NSD3: variants seen among roughly 807,000 people sequenced by gnomAD.
NSD3 encodes histone-lysine N-methyltransferase NSD3.
In NSD3, 24 loss-of-function variants were observed where a neutral mutation model predicts 160.8. That is an observed-to-expected ratio of 0.15 (90% CI 0.11 to 0.21). NSD3 has a LOEUF of 0.21. Among genes scored for constraint, NSD3 ranks in the 10% least tolerant of loss-of-function variants. The pLI is 1.00. For synonymous variants in NSD3, 520 were observed against 600.0 expected, an observed-to-expected ratio of 0.87 and a Z score of 1.95; for missense variants, 1,157 against 1,735.9, an observed-to-expected ratio of 0.67 and a Z score of 5.93.
At chr8:38,375,457 T>C (rs1357783351) in intron 1 of NSD3, among the ~76,000 whole-genome samples, 2 of 152,190 alleles carry the variant, frequency 1.3e-5, no homozygotes, top group Non-Finnish European at 2.9e-5. Context: ...GTCCACAAAA[T>C]TTAAAATATA....
In NSD3 at chr8:38,382,038, GA is replaced by G. The variant is rs1452943137; in HGVS notation, c.-285del. 3 of 152,728 alleles carry G rather than the reference GA, an allele frequency of 2.0e-5. No individual in the cohort carries two copies. The highest frequency in any genetic ancestry group is 2.9e-5 in the Non-Finnish European group (2 of 68,120). 9.5% of individuals were successfully genotyped at this position (152,728 alleles called of 1,614,324 possible). A position where few individuals can be genotyped will look rare whatever the true frequency, so the allele number is the denominator to read the frequency against. The stretch of plus-strand genomic sequence containing the variant: ...CGGGCCGGGCGTGCTGCGGGAAGAG[GA>G]AGGCTCGGGAGGTGGGATGGGAAGG... On this transcript the variant is annotated 5_prime_UTR_variant, in exon 1 of 24. Coordinates refer to ENST00000317025, the MANE Select transcript of NSD3 (RefSeq NM_023034.2). The surrounding 1 kb of genome is among the most constrained non-coding windows in gnomAD (Gnocchi z 4.2).
At chr8:38,297,496 T>C (rs182611144) in intron 15 of NSD3, among the ~76,000 whole-genome samples, 1 of 152,212 alleles carries the variant, frequency 6.6e-6, no homozygotes, top group Non-Finnish European at 1.5e-5. Context: ...GTAAGAGCCC[T>C]CTATGCAACT....
intron 1 of NSD3, among the ~76,000 whole-genome samples, chr8:38,359,660 A>T (rs1563367717): frequency 6.6e-6 from 1 of 152,244 alleles, no homozygotes. Flanking sequence ...CCCTCACTAC[A>T]GACAAAAGCA....
At chr8:38,283,266 T>G (rs956571885) in intron 19 of NSD3, among the ~76,000 whole-genome samples, 2 of 152,356 alleles carry the variant, frequency 1.3e-5, no homozygotes, top group African/African-American at 2.4e-5. Flanking sequence ...TCAAAAGCAC[T>G]GCTCATTCAA....
intron 1 of NSD3, among the ~76,000 whole-genome samples, chr8:38,371,517 A>G (rs1351972180): frequency 6.6e-6 from 1 of 152,204 alleles, no homozygotes; most frequent in African/African-American, 2.4e-5. Flanking sequence ...CACGTTCAAG[A>G]TTTAAAATCG....
chr8:38,272,397 C>T lies in NSD3; in HGVS notation c.*3244G>A, dbSNP rs2130974240. ...ACTCCTGTATCTCTCCCTGATTAGA[C>T]ATTAAAGAGGTGAATCACTGCCTCT... On this transcript the variant is annotated 3_prime_UTR_variant, in exon 24 of 24. Coordinates refer to ENST00000317025, the MANE Select transcript of NSD3 (RefSeq NM_023034.2). The T allele has an allele frequency of 6.6e-6, 1 of 152,308 alleles. No homozygotes were observed. The highest frequency in any genetic ancestry group is 3.4e-3 in the Middle Eastern group (1 of 294). The allele number at this position is 152,308 out of a possible 1,614,324, so 9.4% of individuals were successfully genotyped here. A position where few individuals can be genotyped will look rare whatever the true frequency, so the allele number is the denominator to read the frequency against.
At chr8:38,332,471 A>C (rs909374605) in intron 4 of NSD3, among the ~76,000 whole-genome samples, 5 of 152,176 alleles carry the variant, frequency 3.3e-5, no homozygotes, top group Non-Finnish European at 5.9e-5. Context: ...ATAACATTAG[A>C]TATAACCCAC....
chr8:38,347,448 A>G (rs774076657), intron 2 of NSD3, 49 bp downstream of exon 2: 43 of 1,523,884 alleles, frequency 2.8e-5, no homozygotes, highest in Non-Finnish European at 3.8e-5. Context: ...TTGAACTTCC[A>G]GTAAATGTGA....
Position 38,316,009 on chromosome 8 carries a change from A to T in NSD3, c.1889T>A (p.Leu630Gln). The T allele has an allele frequency of 6.2e-7, 1 of 1,613,096 alleles. No individual in the cohort carries two copies. The change falls in exon 10 of 24, where the codon CTA becomes CAA. Residue 630 changes from leucine to glutamine, a missense_variant. Leu to Gln is a moderately radical substitution (Grantham distance 113). Around this residue, in one of 10 missense-constraint regions of NSD3, gnomAD observed 3 missense variants for 21.9 expected, o/e 0.14. Transcript: ENST00000317025. This position sits in a 1 kb window ranked among gnomAD's most constrained non-coding sequence, Gnocchi z 4.5. ...ASEISDSCKPLKKRSRASTDV... is the reference protein window; with the variant it reads ...ASEISDSCKPQKKRSRASTDV... ...AGTTGAGGCGCGACTCCTTTTCTTT[A>T]GAGGTTTACAGGAATCTGAAATCTC...
Position 38,271,359 on chromosome 8 carries a change from A to G in NSD3, c.*4282T>C, listed in dbSNP as rs1563337144. The G allele has an allele frequency of 6.6e-6, 1 of 152,140 alleles. No individual in the cohort carries two copies. Among genetic ancestry groups the G allele is most frequent in the African/African-American group, 2.4e-5 (1 of 41,440 alleles). The allele number at this position is 152,140 out of a possible 1,614,324, so 9.4% of individuals were successfully genotyped here. A position where few individuals can be genotyped will look rare whatever the true frequency, so the allele number is the denominator to read the frequency against. Reference sequence around the variant, plus strand: ...CTGAATTCAATGAGGCAGAGGTCTCAATGTTAAAGTGACTATTTCGTACCT... The same window carrying G: ...CTGAATTCAATGAGGCAGAGGTCTCGATGTTAAAGTGACTATTTCGTACCT... On this transcript the variant is annotated 3_prime_UTR_variant, in exon 24 of 24. Transcript: ENST00000317025.
chr8:38,325,915 C>T (rs923743217), intron 7 of NSD3, among the ~76,000 whole-genome samples: 13 of 151,556 alleles, frequency 8.6e-5, no homozygotes, highest in Admixed American at 3.3e-4. Context: ...TTTGGGAGGC[C>T]GAGGCAGGTA....
At chr8:38,376,481 G>A (rs904293287) in intron 1 of NSD3, among the ~76,000 whole-genome samples, 1 of 151,488 alleles carries the variant, frequency 6.6e-6, no homozygotes, top group Non-Finnish European at 1.5e-5. Flanking sequence ...TATTGCCCAG[G>A]CTGGAGTGCA....
intron 1 of NSD3, among the ~76,000 whole-genome samples, chr8:38,371,699 A>G (rs1384057051): frequency 1.3e-5 from 2 of 152,208 alleles, no homozygotes; most frequent in Non-Finnish European, 2.9e-5. Context: ...ATGCATTTGA[A>G]TCTTGCAGAG....
chr8:38,334,785 A>G (rs2150377681), intron 4 of NSD3, among the ~76,000 whole-genome samples: 1 of 152,140 alleles, frequency 6.6e-6, no homozygotes, highest in East Asian at 1.9e-4. Context: ...AAACAGGTGA[A>G]TTTTATGATA....
At chr8:38,348,913 C>T (rs1810600606) in intron 1 of NSD3, among the ~76,000 whole-genome samples, 1 of 152,158 alleles carries the variant, frequency 6.6e-6, no homozygotes, top group African/African-American at 2.4e-5. Context: ...CCTGCCTCAG[C>T]CTCCCAAAGT....
intron 12 of NSD3, among the ~76,000 whole-genome samples, chr8:38,311,080 T>C (rs539059778): frequency 1.8e-4 from 27 of 150,708 alleles, no homozygotes; most frequent in African/African-American, 5.8e-4. Flanking sequence ...TGATTACTTT[T>C]TTTTTTTTTT....
rs577323712 is a variant in NSD3 at position 38,370,022 on chromosome 8, G to A, written c.-45+11777C>T. ...TTGACCAGGCTGGTCTCAAACTCCT[G>A]ACCTCAAGTGATCCACCCACCTCGG... On this transcript the variant is annotated intron_variant, in intron 1 of 23. Coordinates refer to ENST00000317025, the MANE Select transcript of NSD3 (RefSeq NM_023034.2). Among the ~76,000 whole-genome samples the A allele has an allele frequency of 4.6e-5, 7 of 152,228 alleles. No homozygotes were observed. The South Asian group carries it at 1.0e-3, about 23-fold the overall frequency.
chr8:38,270,182 A>C lies in NSD3; in HGVS notation c.*5459T>G, dbSNP rs1033101076. ...GCCAAGTCACAGAAACTCAAAAGAG[A>C]TTGACTTTAGTGAATATTGATGCTT... On this transcript the variant is annotated 3_prime_UTR_variant, in exon 24 of 24. Transcript: ENST00000317025. The C allele has an allele frequency of 2.6e-5, 4 of 152,240 alleles. No homozygotes were observed. Among genetic ancestry groups the C allele is most frequent in the African/African-American group, 9.6e-5 (4 of 41,462 alleles). The allele number at this position is 152,240 out of a possible 1,614,324, so 9.4% of individuals were successfully genotyped here.
rs2150375315 is a variant in NSD3 at position 38,329,383 on chromosome 8, T to C, written c.1576A>G (p.Thr526Ala). ...GKFIDQFVYS[T>A]KGIGNKTEIS... Reference sequence around the variant, plus strand: ...TCCACGAAAAAAGGAGGTACCTTTGTTGAATAAACAAATTGATCGATAAAT... The same window carrying C: ...TCCACGAAAAAAGGAGGTACCTTTGCTGAATAAACAAATTGATCGATAAAT... The change falls in exon 6 of 24, where the codon ACA (threonine) becomes GCA (alanine). Residue 526 changes from threonine (T) to alanine (A), a missense_variant. Physicochemically the swap from Thr to Ala is moderately conservative, Grantham distance 58. Coordinates refer to ENST00000317025, the MANE Select transcript of NSD3 (RefSeq NM_023034.2). This position sits in a 1 kb window ranked among gnomAD's most constrained non-coding sequence, Gnocchi z 4.8. 1 of 1,606,594 alleles carries C rather than the reference T, an allele frequency of 6.2e-7. No homozygotes were observed. Among genetic ancestry groups the C allele is most frequent in the Non-Finnish European group, 8.5e-7 (1 of 1,174,210 alleles).
Sources: allele counts gnomAD v4.1 joint callset (sites outside exome capture counted in the v4.1 genomes callset), GRCh38; gene constraint gnomAD v4.1.1; regional missense constraint gnomAD v4.1.1; non-coding constraint Gnocchi (gnomAD v3.1); transcripts MANE v1.5; gene names NCBI Gene and HGNC (gene_info 2026-07-23, HGNC 2026-07-21).